The following CELF2 variants were observed in gnomAD, a reference collection of about 807,000 sequenced individuals.
The protein encoded by CELF2 is CUG triplet repeat RNA-binding protein 2.
Under a neutral mutation model 62.6 loss-of-function variants are expected in CELF2, and 8 were observed. That is an observed-to-expected ratio of 0.13 (90% CI 0.07 to 0.23). The LOEUF is 0.23. Among genes scored for constraint, CELF2 ranks in the 10% least tolerant of loss-of-function variants. The pLI, the probability that CELF2 is intolerant of heterozygous loss-of-function variation, is 1.00. For missense variants in CELF2, 333 were observed against 671.0 expected, an observed-to-expected ratio of 0.50 and a Z score of 5.56; for synonymous variants, 258 against 250.0, an observed-to-expected ratio of 1.03 and a Z score of -0.30.
chr10:10,983,654 A>C lies in CELF2; in HGVS notation c.89+63655A>C, dbSNP rs1194457020. ...ACAATCTTGGCTCACTGCAACCTCC[A>C]CCTCCCAGGTTCAAGCGATTCTCCT... On this transcript the variant is annotated intron_variant, in intron 2 of 13. Coordinates refer to the CELF2 transcript ENST00000636488. This position sits in a 1 kb window ranked among gnomAD's most constrained non-coding sequence, Gnocchi z 5.2. Among the ~76,000 whole-genome samples, 2 of 152,024 alleles carry C rather than the reference A, an allele frequency of 1.3e-5. No homozygotes were observed. The highest frequency in any genetic ancestry group is 2.9e-5 in the Non-Finnish European group (2 of 68,008).
At chr10:10,780,864 A>C in the CELF2 span, among the ~76,000 whole-genome samples, 2 of 152,192 alleles carry the variant, frequency 1.3e-5, no homozygotes, top group African/African-American at 4.8e-5. Context: ...ATTGTCTAGA[A>C]TCCCACTCAT....
chr10:11,171,076 A>C (rs1471552647), intron 2 of CELF2, among the ~76,000 whole-genome samples: 1 of 152,204 alleles, frequency 6.6e-6, no homozygotes, highest in African/African-American at 2.4e-5. Context: ...AAAGAGAAAT[A>C]GAAAAGGGAA....
At chr10:10,534,348 T>G in the CELF2 span, among the ~76,000 whole-genome samples, 4 of 152,104 alleles carry the variant, frequency 2.6e-5, no homozygotes, top group African/African-American at 9.7e-5. Flanking sequence ...TTGAGGCAAC[T>G]CAGAGAACAT....
At chr10:10,830,050 C>T (rs886731685) in intron 1 of CELF2, among the ~76,000 whole-genome samples, 1 of 151,234 alleles carries the variant, frequency 6.6e-6, no homozygotes, top group Non-Finnish European at 1.5e-5. Flanking sequence ...TCTTTGCCTG[C>T]CTGGCATGAG....
the CELF2 span, among the ~76,000 whole-genome samples, chr10:10,673,029 T>C: frequency 6.6e-6 from 1 of 152,162 alleles, no homozygotes; most frequent in Non-Finnish European, 1.5e-5. Context: ...GATTTATTCC[T>C]AAGCATTTTT....
chr10:10,541,440 G>T, the CELF2 span, among the ~76,000 whole-genome samples: 9 of 152,178 alleles, frequency 5.9e-5, no homozygotes, highest in Non-Finnish European at 1.0e-4. Context: ...AAAAAGAATG[G>T]CTACTCCATA....
the CELF2 span, among the ~76,000 whole-genome samples, chr10:10,507,827 T>A: frequency 6.6e-6 from 1 of 152,198 alleles, no homozygotes; most frequent in Admixed American, 6.5e-5. Flanking sequence ...CTTAAAAAAA[T>A]TAGCACATTC....
At chr10:11,174,986 AAT>A in intron 2 of CELF2, among the ~76,000 whole-genome samples, 1 of 152,300 alleles carries the variant, frequency 6.6e-6, no homozygotes, top group Non-Finnish European at 1.5e-5. Context: ...ATGCCTTAGT[AAT>A]CTGAATTTTT....
At chr10:11,143,609 G>A (rs2061732088) in intron 1 of CELF2, among the ~76,000 whole-genome samples, 1 of 152,120 alleles carries the variant, frequency 6.6e-6, no homozygotes, top group South Asian at 2.1e-4. Context: ...CTTATTTGTA[G>A]TTTCTTGCAT....
chr10:10,646,887 G>A, the CELF2 span, among the ~76,000 whole-genome samples: 6 of 152,162 alleles, frequency 3.9e-5, no homozygotes, highest in African/African-American at 1.4e-4. Flanking sequence ...GAAACAGTTT[G>A]CCCCACGCTA....
chr10:11,016,024 C>T (rs186233313), upstream of CELF2, among the ~76,000 whole-genome samples: 154 of 152,236 alleles, frequency 1.0e-3, 1 homozygote, highest in Admixed American at 6.7e-3. This position sits in a 1 kb window ranked among gnomAD's most constrained non-coding sequence, Gnocchi z 5.2. Flanking sequence ...TGTTTTGCTT[C>T]TGTTTTGGAG....
chr10:11,171,953 A>C (rs1254747471), intron 2 of CELF2, among the ~76,000 whole-genome samples: 1 of 152,162 alleles, frequency 6.6e-6, no homozygotes, highest in Non-Finnish European at 1.5e-5. Context: ...CTTCCTAAAA[A>C]CATGTCCGAA....
Position 11,237,545 on chromosome 10 carries a change from C to T in CELF2, c.355-11608C>T, listed in dbSNP as rs1403312907. 2.0e-5 allele frequency among the ~76,000 whole-genome samples: 3 copies of T among 152,200 alleles called. No individual in the cohort carries two copies. The highest frequency in any genetic ancestry group is 2.9e-5 in the Non-Finnish European group (2 of 68,028). ...AGGAGACTTGTTCCCAATTTGAGGC[C>T]AGCACATGTACCAGGTCGTCAAGGG... On this transcript the variant is annotated intron_variant, in intron 3 of 12. Coordinates refer to ENST00000633077, the MANE Select transcript of CELF2 (RefSeq NM_001326342.2). This position sits in a 1 kb window ranked among gnomAD's most constrained non-coding sequence, Gnocchi z 4.0.
chr10:10,919,249 A>C (rs941134266), intron 1 of CELF2, among the ~76,000 whole-genome samples: 1 of 150,450 alleles, frequency 6.6e-6, no homozygotes, highest in Non-Finnish European at 1.5e-5. Context: ...TAGCCTGGGC[A>C]AAAGAGAGAT....
chr10:11,185,685 A>T (rs2074682299), intron 2 of CELF2, among the ~76,000 whole-genome samples: 1 of 152,206 alleles, frequency 6.6e-6, no homozygotes. Context: ...AAGTACTGGG[A>T]TTACAAGCAT....
intron 8 of CELF2, among the ~76,000 whole-genome samples, chr10:11,276,752 G>A (rs1030348324): frequency 1.3e-5 from 2 of 152,166 alleles, no homozygotes; most frequent in Non-Finnish European, 2.9e-5. Flanking sequence ...GCTGCCGAGC[G>A]TGCTGTCCCG....
intron 1 of CELF2, among the ~76,000 whole-genome samples, chr10:11,061,635 A>G (rs902104887): frequency 4.6e-5 from 7 of 152,222 alleles, no homozygotes; most frequent in African/African-American, 7.2e-5. Flanking sequence ...CAGATTGATT[A>G]TCTTATAAGG....
chr10:10,707,686 C>A, the CELF2 span, among the ~76,000 whole-genome samples: 14 of 152,290 alleles, frequency 9.2e-5, no homozygotes, highest in African/African-American at 3.1e-4. Flanking sequence ...ACGCTGAAGA[C>A]AAGATTCCTG....
In CELF2 at chr10:11,194,254, C is replaced by T. The variant is rs148460706; in HGVS notation, c.272-23171C>T. Among the ~76,000 whole-genome samples the T allele has an allele frequency of 2.8e-3, 418 of 151,836 alleles. 2 individuals carry two copies. The highest frequency in any genetic ancestry group is 9.4e-3 in the African/African-American group (388 of 41,392). ...CTAATTTTTGTATTTTTAGTAGAGA[C>T]GGGGTTTCACCATCTTGGCCAGGAT... is the stretch of plus-strand genomic sequence containing the variant. On this transcript the variant is annotated intron_variant, in intron 2 of 12. Transcript: ENST00000633077.
Sources: gnomAD v4.1 joint callset for allele counts (sites outside exome capture counted in the v4.1 genomes callset) on GRCh38, gnomAD v4.1.1 for gene constraint, Gnocchi (gnomAD v3.1) non-coding constraint, MANE v1.5 for transcripts, NCBI Gene and HGNC (gene_info 2026-07-23, HGNC 2026-07-21) for gene names.